The following SCAMP5 variants were observed in gnomAD, a reference collection of about 807,000 sequenced individuals.
SCAMP5 encodes the protein secretory carrier membrane protein 5.
Under a neutral mutation model 28.3 loss-of-function variants are expected in SCAMP5, and 7 were observed. The observed-to-expected ratio is 0.25, with a 90% CI of 0.14 to 0.46. The LOEUF (loss-of-function observed/expected upper bound fraction) is 0.46. Ranked by LOEUF, SCAMP5 falls within the 20% of genes least tolerant of loss-of-function variation. The pLI is 0.99. For missense variants in SCAMP5, 192 were observed against 312.5 expected (o/e 0.61, Z 2.91); for synonymous variants, 117 against 116.4 (o/e 1.00, Z -0.03).
chr15:75,018,359 G>T lies in SCAMP5; in HGVS notation c.396-59G>T, dbSNP rs754024981. 6 of 1,017,292 alleles carry T rather than the reference G, an allele frequency of 5.9e-6. No individual in the cohort carries two copies. The highest frequency in any genetic ancestry group is 2.5e-5 in the South Asian group (2 of 79,202). The allele number at this position is 1,017,292 out of a possible 1,614,324, so 63.0% of individuals were successfully genotyped here. A position where few individuals can be genotyped will look rare whatever the true frequency, so the allele number is the denominator to read the frequency against. On this transcript the variant is annotated intron_variant, in intron 5 of 6. Transcript: ENST00000425597. The surrounding 1 kb of genome is among the most constrained non-coding windows in gnomAD (Gnocchi z 5.6). ...CAATGAGACGGTCCCTTCCTCTAGC[G>T]GGGGGCTCCTGGGCACCTCTTATCC...
At chr15:75,000,683 CTTTTT>C (rs58106804) in intron 1 of SCAMP5, among the ~76,000 whole-genome samples, 8 of 120,288 alleles carry the variant, frequency 6.7e-5, no homozygotes, top group Admixed American at 1.8e-4. Flanking sequence ...CGCACCCAGC[CTTTTT>C]TTTTTTTTTT....
intron 1 of SCAMP5, among the ~76,000 whole-genome samples, chr15:75,004,770 T>C (rs1595882532): frequency 6.6e-6 from 1 of 151,534 alleles, no homozygotes; most frequent in African/African-American, 2.4e-5. Context: ...AACAAAAACA[T>C]GCACACATAC....
At position 75,019,117 on chromosome 15, in the gene SCAMP5, TTATATATA is replaced by T; in HGVS notation, c.*144_*151del. The T allele has an allele frequency of 2.1e-6, 1 of 485,294 alleles. No individual in the cohort carries two copies. The highest frequency in any genetic ancestry group is 3.7e-5 in the East Asian group (1 of 27,110). 30.1% of individuals were successfully genotyped at this position (485,294 alleles called of 1,614,324 possible). On this transcript the variant is annotated 3_prime_UTR_variant, in exon 7 of 7. Transcript: ENST00000425597. ...CCCTACTTTGTACAAAGGACCAGAG[TTATATATA>T]TATATATATGTATATGTCTGTACCC...
At chr15:75,015,734 TG>T (rs2141453072) in intron 3 of SCAMP5, among the ~76,000 whole-genome samples, 1 of 152,264 alleles carries the variant, frequency 6.6e-6, no homozygotes, top group South Asian at 2.1e-4. Context: ...GAGACCAGCC[TG>T]GCCAACTTGG....
At chr15:75,016,455 G>C in intron 3 of SCAMP5, 138 bp from the exon 4 acceptor site, 1 of 718,274 alleles carries the variant, frequency 1.4e-6, no homozygotes, top group South Asian at 1.8e-5. Context: ...CTCTGTGCTT[G>C]TCTGCGCTGT....
chr15:75,003,580 C>T lies in SCAMP5; in HGVS notation c.-49+7907C>T, dbSNP rs986545119. ...ATCTCAGCACGTTGGGAAGCCAGGG[C>T]GGGTAGATCGCTTGAGCCCAGGGGT... On this transcript the variant is annotated intron_variant, in intron 1 of 6. Transcript: ENST00000425597. 1.9e-4 allele frequency among the ~76,000 whole-genome samples: 29 copies of T among 152,084 alleles called. 1 individual carries two copies. Among genetic ancestry groups the T allele is most frequent in the African/African-American group, 6.0e-4 (25 of 41,414 alleles).
chr15:75,002,478 T>C (rs1213633722), intron 1 of SCAMP5, among the ~76,000 whole-genome samples: 1 of 152,104 alleles, frequency 6.6e-6, no homozygotes, highest in Non-Finnish European at 1.5e-5. Context: ...CTATTCTCTC[T>C]GTATATTGTC....
chr15:75,017,746 CAATT>C (rs762828713), intron 4 of SCAMP5, 120 bp from the exon 5 acceptor site: 1 of 733,708 alleles, frequency 1.4e-6, no homozygotes. Flanking sequence ...TCTGACCTCT[CAATT>C]AAGGCCTTTA....
chr15:75,005,731 C>G (rs1305117306), intron 1 of SCAMP5, among the ~76,000 whole-genome samples: 1 of 152,038 alleles, frequency 6.6e-6, no homozygotes, highest in Non-Finnish European at 1.5e-5. Context: ...TTCTTTCTTT[C>G]TTTCTTTTTT....
intron 2 of SCAMP5, among the ~76,000 whole-genome samples, chr15:75,012,353 A>G (rs2065819024): frequency 6.6e-6 from 1 of 152,202 alleles, no homozygotes; most frequent in South Asian, 2.1e-4. Flanking sequence ...ATTCTCACAC[A>G]TCCGCTTCTT....
At chr15:75,012,587 A>G (rs2065821570) in intron 2 of SCAMP5, 90 bp from the exon 3 acceptor site, 2 of 1,508,274 alleles carry the variant, frequency 1.3e-6, no homozygotes, top group Non-Finnish European at 1.8e-6. Flanking sequence ...ACAGGGGCCA[A>G]TGGGGCAGCA....
chr15:75,015,697 G>A (rs1045461187), intron 3 of SCAMP5, among the ~76,000 whole-genome samples: 1 of 152,122 alleles, frequency 6.6e-6, no homozygotes, highest in Non-Finnish European at 1.5e-5. Flanking sequence ...AGGCCAAGGC[G>A]GGTGGATCAC....
At chr15:75,016,804 C>A in intron 4 of SCAMP5, 55 bp downstream of exon 4, 3 of 1,405,944 alleles carry the variant, frequency 2.1e-6, no homozygotes, top group South Asian at 1.3e-5. Flanking sequence ...TCTCCCCTGT[C>A]TCTTCTCCAT....
chr15:75,017,306 G>A (rs754782761), intron 4 of SCAMP5, among the ~76,000 whole-genome samples: 1 of 152,110 alleles, frequency 6.6e-6, no homozygotes, highest in Non-Finnish European at 1.5e-5. Context: ...CAATCTTTGT[G>A]CCAATGTGAC....
chr15:75,016,846 C>A, intron 4 of SCAMP5, 97 bp downstream of exon 4: 1 of 997,314 alleles, frequency 1.0e-6, no homozygotes, highest in Non-Finnish European at 1.5e-6. Flanking sequence ...TTTTTTTTTA[C>A]CCTCCCCCAA....
Position 74,996,687 on chromosome 15 carries a change from G to A in SCAMP5, c.-49+1014G>A, listed in dbSNP as rs1041108126. ...ATGTGACTGCCCATGGGGTGGTGGA[G>A]TCTGGAGAAATTTGCAACCTGTCCC... On this transcript the variant is annotated intron_variant, in intron 1 of 6. Coordinates refer to ENST00000425597, the MANE Select transcript of SCAMP5 (RefSeq NM_138967.4). This position sits in a 1 kb window ranked among gnomAD's most constrained non-coding sequence, Gnocchi z 4.1. Among the ~76,000 whole-genome samples the A allele has an allele frequency of 6.6e-6, 1 of 152,220 alleles. No individual in the cohort carries two copies. The highest frequency in any genetic ancestry group is 2.4e-5 in the African/African-American group (1 of 41,454).
rs2065878396 is a variant in SCAMP5, at chr15:75,018,502, G to T, written c.480G>T (p.Val160=). 2 of 1,613,302 alleles carry T rather than the reference G, an allele frequency of 1.2e-6. No individual in the cohort carries two copies. The highest frequency in any genetic ancestry group is 1.7e-6 in the Non-Finnish European group (2 of 1,179,396). The stretch of plus-strand genomic sequence containing the variant: ...TAATTCCCACTGTCATGTTCACAGT[G>T]ATGGCCGTCTTTTCCTTCATCGCCC... The part of the protein sequence containing the change: ...VMLIPTVMFT[V]MAVFSFIALS... The change falls in exon 6 of 7, where the codon GTG becomes GTT. Residue 160 remains valine (V), a synonymous_variant. Transcript: ENST00000425597. The surrounding 1 kb of genome is among the most constrained non-coding windows in gnomAD (Gnocchi z 5.6).
At position 75,019,051 on chromosome 15, in the gene SCAMP5, T is replaced by G. The variant is rs2065884196; in HGVS notation, c.*68T>G. On this transcript the variant is annotated 3_prime_UTR_variant, in exon 7 of 7. Coordinates refer to ENST00000425597, the MANE Select transcript of SCAMP5 (RefSeq NM_138967.4). ...CAGGGGGCTCAAGCCACATCGTCAT[T>G]TGTGGTTACCAAGCAGGGTTCCCCC... 6.0e-6 allele frequency: 7 copies of G among 1,169,158 alleles called. No individual in the cohort carries two copies. Among genetic ancestry groups the G allele is most frequent in the Non-Finnish European group, 8.3e-6 (7 of 842,780 alleles). 72.4% of individuals were successfully genotyped at this position (1,169,158 alleles called of 1,614,324 possible).
At chr15:75,008,999 ATCTTCTCT>A (rs1173101792) in intron 1 of SCAMP5, among the ~76,000 whole-genome samples, 4 of 152,216 alleles carry the variant, frequency 2.6e-5, no homozygotes, top group Non-Finnish European at 5.9e-5. Flanking sequence ...TATTCTTATT[ATCTTCTCT>A]TCCTTTTTTT....
Sources: allele counts gnomAD v4.1 joint callset (sites outside exome capture counted in the v4.1 genomes callset), GRCh38; gene constraint gnomAD v4.1.1; non-coding constraint Gnocchi (gnomAD v3.1); transcripts MANE v1.5; gene names NCBI Gene and HGNC (gene_info 2026-07-23, HGNC 2026-07-21).